PRKCA: variants seen among roughly 807,000 people sequenced by gnomAD.
PRKCA encodes protein kinase C alpha type.
A neutral mutation model predicts 87.0 loss-of-function variants in PRKCA; 27 were observed. The ratio of observed to expected loss-of-function variants is 0.31; its 90% CI spans 0.23 to 0.43. The LOEUF (loss-of-function observed/expected upper bound fraction) is 0.43. Ranked by LOEUF, PRKCA falls within the 20% of genes least tolerant of loss-of-function variation. PRKCA has a pLI of 1.00. For synonymous variants in PRKCA, 329 were observed against 311.1 expected (o/e 1.06, Z -0.61); for missense variants, 518 against 852.3 (o/e 0.61, Z 4.88).
chr17:66,530,145 C>A (rs1007579606), intron 3 of PRKCA, among the ~76,000 whole-genome samples: 4 of 152,200 alleles, frequency 2.6e-5, no homozygotes, highest in African/African-American at 7.2e-5. Context: ...TAGCTAGAAT[C>A]CTTATCGTCT....
intron 5 of PRKCA, among the ~76,000 whole-genome samples, chr17:66,668,938 C>CA (rs1163129984): frequency 1.3e-5 from 2 of 151,724 alleles, no homozygotes; most frequent in Admixed American, 1.3e-4. Flanking sequence ...TCTGCCTCTA[C>CA]AAAAAAATTT....
rs1330439504 is a variant in PRKCA, at chr17:66,805,038, T to C, written c.*1001T>C. 8 of 983,910 alleles carry C rather than the reference T, an allele frequency of 8.1e-6. No homozygotes were observed. Among genetic ancestry groups the C allele is most frequent in the Non-Finnish European group, 9.7e-6 (8 of 828,418 alleles). 60.9% of individuals were successfully genotyped at this position (983,910 alleles called of 1,614,324 possible). On this transcript the variant is annotated 3_prime_UTR_variant, in exon 17 of 17. Transcript: ENST00000413366. The stretch of plus-strand genomic sequence containing the variant: ...TGCAGTGTCGCTTATGAAAGTACGA[T>C]GTACAGTAACTTAATGGAAGTGCTG...
chr17:66,316,510 G>T (rs1905326190), intron 2 of PRKCA, among the ~76,000 whole-genome samples: 1 of 151,970 alleles, frequency 6.6e-6, no homozygotes, highest in Non-Finnish European at 1.5e-5. Flanking sequence ...AAAAAATTAT[G>T]AATTTTTAAA....
chr17:66,365,432 T>TGA (rs1213337830), intron 2 of PRKCA, among the ~76,000 whole-genome samples: 2 of 152,194 alleles, frequency 1.3e-5, no homozygotes, highest in African/African-American at 4.8e-5. Context: ...TTTAGGTACA[T>TGA]GATCTCATTT....
intron 2 of PRKCA, among the ~76,000 whole-genome samples, chr17:66,374,172 C>T (rs1909277240): frequency 6.6e-6 from 1 of 152,170 alleles, no homozygotes; most frequent in Non-Finnish European, 1.5e-5. Flanking sequence ...GGGCTCCTTC[C>T]TTCCGCCTGG....
At chr17:66,748,063 A>G (rs1974339339) in intron 13 of PRKCA, among the ~76,000 whole-genome samples, 1 of 152,222 alleles carries the variant, frequency 6.6e-6, no homozygotes, top group African/African-American at 2.4e-5. Flanking sequence ...GCAGTAACAG[A>G]TGGTGCATCC....
intron 3 of PRKCA, among the ~76,000 whole-genome samples, chr17:66,545,359 G>T (rs1302151309): frequency 6.6e-6 from 1 of 152,178 alleles, no homozygotes; most frequent in African/African-American, 2.4e-5. Context: ...AACCCAAAAG[G>T]CGGAGCTTGC....
intron 3 of PRKCA, among the ~76,000 whole-genome samples, chr17:66,513,535 A>G (rs1201722910): frequency 6.6e-6 from 1 of 152,232 alleles, no homozygotes; most frequent in African/African-American, 2.4e-5. Context: ...TGTTGAATTT[A>G]AAACCTTGAG....
rs61762771 is a variant in PRKCA at position 66,775,347 on chromosome 17, A to G, written c.1605+1280A>G. ...TTTCAGCCGAGCACAGATCAGTTAC[A>G]TAGGATATCTTAGGGGCCGGCCTAG... On this transcript the variant is annotated intron_variant, in intron 14 of 16. Coordinates refer to ENST00000413366, the MANE Select transcript of PRKCA (RefSeq NM_002737.3). The G allele has an allele frequency of 3.0e-3, 2,948 of 985,206 alleles. 81 individuals carry two copies. In the African/African-American group the frequency reaches 0.047, roughly 16 times the overall value. The allele number at this position is 985,206 out of a possible 1,614,324, so 61.0% of individuals were successfully genotyped here. A position where few individuals can be genotyped will look rare whatever the true frequency, so the allele number is the denominator to read the frequency against.
chr17:66,804,944 C>T lies in PRKCA; in HGVS notation c.*907C>T. On this transcript the variant is annotated 3_prime_UTR_variant, in exon 17 of 17. Transcript: ENST00000413366. ...ACACACACCAACATTTTGCTGCCTA[C>T]CTTGTTATCCTTCTCAAGAAGCTGA... 1 of 969,664 alleles carries T rather than the reference C, an allele frequency of 1.0e-6. No individual in the cohort carries two copies. The highest frequency in any genetic ancestry group is 1.2e-6 in the Non-Finnish European group (1 of 815,376). 60.1% of individuals were successfully genotyped at this position (969,664 alleles called of 1,614,324 possible).
At chr17:66,529,045 CTTG>C (rs1390009257) in intron 3 of PRKCA, among the ~76,000 whole-genome samples, 2 of 152,134 alleles carry the variant, frequency 1.3e-5, no homozygotes, top group East Asian at 1.9e-4. Context: ...TTTCTTTTTT[CTTG>C]TTGTTTTATT....
At chr17:66,657,464 C>A (rs545720081) in intron 5 of PRKCA, among the ~76,000 whole-genome samples, 2 of 152,142 alleles carry the variant, frequency 1.3e-5, no homozygotes, top group Non-Finnish European at 2.9e-5. Flanking sequence ...AAAAGAGACA[C>A]CTTCCTCACT....
chr17:66,777,196 G>GT, intron 14 of PRKCA: 1 of 985,410 alleles, frequency 1.0e-6, no homozygotes, highest in African/African-American at 1.7e-5. Flanking sequence ...GCCACCTGTT[G>GT]TAACACTGTG....
intron 3 of PRKCA, among the ~76,000 whole-genome samples, chr17:66,574,409 ATCCCTG>A (rs1389223047): frequency 6.6e-6 from 1 of 152,104 alleles, no homozygotes; most frequent in East Asian, 1.9e-4. Flanking sequence ...GACGACAATA[ATCCCTG>A]TCTCAGAGTG....
At position 66,536,294 on chromosome 17, in the gene PRKCA, T is replaced by C. The variant is rs185020241; in HGVS notation, c.288+40011T>C. Among the ~76,000 whole-genome samples the C allele has an allele frequency of 3.3e-5, 5 of 152,350 alleles. No homozygotes were observed. The East Asian group carries it at 5.8e-4, about 18-fold the overall frequency. ...AACTTTCCAGAACTTCCCTGAACTT[T>C]ACTCTGTCCGGTTCAGACCATCTGA... On this transcript the variant is annotated intron_variant, in intron 3 of 16. Coordinates refer to ENST00000413366, the MANE Select transcript of PRKCA (RefSeq NM_002737.3).
At chr17:66,717,325 G>A (rs929927601) in intron 8 of PRKCA, among the ~76,000 whole-genome samples, 2 of 152,162 alleles carry the variant, frequency 1.3e-5, no homozygotes, top group African/African-American at 4.8e-5. Context: ...TTACAACAGA[G>A]ACAGTATTTG....
At chr17:66,596,670 G>A (rs1184713156) in intron 3 of PRKCA, among the ~76,000 whole-genome samples, 1 of 103,598 alleles carries the variant, frequency 9.7e-6, no homozygotes, top group Non-Finnish European at 1.9e-5. Context: ...ATGCTGGTGC[G>A]CTGCACCCAC....
intron 3 of PRKCA, among the ~76,000 whole-genome samples, chr17:66,623,707 A>G (rs1244742568): frequency 6.6e-6 from 1 of 152,208 alleles, no homozygotes; most frequent in Non-Finnish European, 1.5e-5. Flanking sequence ...AATAAGAAAG[A>G]TAAAGCTAAA....
At chr17:66,313,521 A>G (rs1905171760) in intron 2 of PRKCA, among the ~76,000 whole-genome samples, 1 of 152,214 alleles carries the variant, frequency 6.6e-6, no homozygotes, top group Non-Finnish European at 1.5e-5. Flanking sequence ...ATCAAGAATA[A>G]ATCTTATTGC....
Sources: allele counts gnomAD v4.1 joint callset (sites outside exome capture counted in the v4.1 genomes callset), GRCh38; gene constraint gnomAD v4.1.1; transcripts MANE v1.5; gene names NCBI Gene and HGNC (gene_info 2026-07-23, HGNC 2026-07-21).